The following IL1RAPL2 variants were observed in gnomAD, a reference collection of about 807,000 sequenced individuals.
IL1RAPL2 encodes the protein interleukin 1 receptor accessory protein like 2.
In IL1RAPL2, 3 loss-of-function variants were observed where a neutral mutation model predicts 44.1. The observed-to-expected ratio is 0.07, with a 90% CI of 0.03 to 0.18. The LOEUF is 0.18. IL1RAPL2 is among the 10% of genes least tolerant of loss of function. The pLI, the probability that IL1RAPL2 is intolerant of heterozygous loss-of-function variation, is 1.00. For missense variants in IL1RAPL2, 391 were observed against 496.4 expected, an observed-to-expected ratio of 0.79 and a Z score of 2.02; for synonymous variants, 181 against 178.8, an observed-to-expected ratio of 1.01 and a Z score of -0.10.
intron 2 of IL1RAPL2, among the ~76,000 whole-genome samples, chrX:104,962,671 C>T (rs754391669): frequency 8.9e-6 from 1 of 112,316 alleles, no homozygotes; most frequent in African/African-American, 3.2e-5. Flanking sequence ...TTAGGAATTT[C>T]CTTTCCTGGG....
intron 5 of IL1RAPL2, among the ~76,000 whole-genome samples, chrX:105,378,177 G>A (rs1378647040): frequency 2.7e-5 from 3 of 111,385 alleles, no homozygotes; most frequent in African/African-American, 9.8e-5. Context: ...GTACTTCAGA[G>A]AAGCAAAGGA....
intron 2 of IL1RAPL2, among the ~76,000 whole-genome samples, chrX:104,841,978 C>G (rs777646823): frequency 1.8e-5 from 2 of 110,595 alleles, no homozygotes; most frequent in Admixed American, 1.9e-4. Flanking sequence ...TATCCTGAAG[C>G]ATGTTTTCCA....
chrX:105,241,995 TA>T (rs1282832516), intron 4 of IL1RAPL2, among the ~76,000 whole-genome samples: 3 of 112,087 alleles, frequency 2.7e-5, no homozygotes, highest in African/African-American at 9.7e-5. Context: ...TTTTTATTTT[TA>T]GTGAAAAACC....
chrX:105,668,865 T>C (rs2147851503), intron 6 of IL1RAPL2, among the ~76,000 whole-genome samples: 1 of 111,591 alleles, frequency 9.0e-6, no homozygotes, highest in Admixed American at 9.5e-5. Flanking sequence ...GGGTTCCTTC[T>C]TCTGAAGGTT....
At chrX:105,376,293 C>T (rs766277409) in intron 5 of IL1RAPL2, among the ~76,000 whole-genome samples, 2 of 112,204 alleles carry the variant, frequency 1.8e-5, no homozygotes, top group East Asian at 2.8e-4. Context: ...GCCAAGTGCT[C>T]CCCCAAGTCA....
rs2034139602 is a variant in IL1RAPL2, at chrX:105,007,066, A to G, written c.83-188409A>G. On this transcript the variant is annotated intron_variant, in intron 2 of 10. Coordinates refer to ENST00000372582, the MANE Select transcript of IL1RAPL2 (RefSeq NM_017416.2). ...TGCCTGCCAACAACTTATATCCCCA[A>G]CTCTTCCATTAGTGAAAGTCTTGGT... 2.7e-5 allele frequency among the ~76,000 whole-genome samples: 3 copies of G among 111,039 alleles called. No individual in the cohort carries two copies. In the South Asian group the frequency reaches 1.1e-3, roughly 41 times the overall value.
At chrX:104,647,831 G>A (rs1275133081) in intron 1 of IL1RAPL2, 7 of 561,447 alleles carry the variant, frequency 1.2e-5, no homozygotes, top group Non-Finnish European at 2.2e-5. Flanking sequence ...CCATGGGATA[G>A]GAAAGTGAGT....
At chrX:105,695,787 G>C (rs1039478734) in intron 6 of IL1RAPL2, among the ~76,000 whole-genome samples, 3 of 111,863 alleles carry the variant, frequency 2.7e-5, no homozygotes, top group African/African-American at 9.7e-5. Flanking sequence ...AAGGTGAATA[G>C]AATAAGTGTC....
At chrX:105,674,811 T>A (rs1470465325) in intron 6 of IL1RAPL2, among the ~76,000 whole-genome samples, 1 of 111,960 alleles carries the variant, frequency 8.9e-6, no homozygotes, top group Non-Finnish European at 1.9e-5. Flanking sequence ...ATTTTTTCAT[T>A]TGTTTGTGTC....
intron 2 of IL1RAPL2, among the ~76,000 whole-genome samples, chrX:104,765,419 A>T (rs1301631499): frequency 8.9e-6 from 1 of 111,840 alleles, no homozygotes; most frequent in East Asian, 2.8e-4. Context: ...TCTAAATAAG[A>T]ATTAATATGT....
At chrX:105,278,755 T>C (rs991308787) in intron 5 of IL1RAPL2, among the ~76,000 whole-genome samples, 1 of 111,988 alleles carries the variant, frequency 8.9e-6, no homozygotes, top group African/African-American at 3.2e-5. Flanking sequence ...TCACACACCA[T>C]AGTAAGTGAT....
chrX:105,733,569 G>T (rs1257320450), intron 7 of IL1RAPL2, among the ~76,000 whole-genome samples: 1 of 109,937 alleles, frequency 9.1e-6, no homozygotes, highest in Non-Finnish European at 1.9e-5. Context: ...TTTTCTCTTT[G>T]AATTTCAGTT....
intron 2 of IL1RAPL2, among the ~76,000 whole-genome samples, chrX:105,148,176 C>G (rs901810735): frequency 9.0e-6 from 1 of 111,478 alleles, no homozygotes; most frequent in Non-Finnish European, 1.9e-5. Flanking sequence ...TGATGAAACA[C>G]TCTTCTCCTA....
At chrX:105,270,486 A>G (rs960150706) in intron 5 of IL1RAPL2, among the ~76,000 whole-genome samples, 2 of 112,055 alleles carry the variant, frequency 1.8e-5, no homozygotes, top group Non-Finnish European at 3.8e-5. Flanking sequence ...AGTACATGTT[A>G]CATGCCAGGC....
At chrX:105,613,360 T>C (rs2037350482) in intron 6 of IL1RAPL2, among the ~76,000 whole-genome samples, 1 of 112,383 alleles carries the variant, frequency 8.9e-6, no homozygotes, top group South Asian at 3.7e-4. Context: ...TCAGTGAGAC[T>C]CTGAGACTAG....
intron 2 of IL1RAPL2, among the ~76,000 whole-genome samples, chrX:105,010,684 C>T (rs2031033760): frequency 9.0e-6 from 1 of 110,962 alleles, no homozygotes; most frequent in South Asian, 3.7e-4. Context: ...AGGCTCTAGG[C>T]CTGCTGCTTG....
At chrX:105,102,402 T>C (rs1320644025) in intron 2 of IL1RAPL2, among the ~76,000 whole-genome samples, 1 of 112,316 alleles carries the variant, frequency 8.9e-6, no homozygotes, top group Non-Finnish European at 1.9e-5. Flanking sequence ...TCCTTCATCC[T>C]GTACAAATAT....
chrX:105,343,306 A>G (rs2035085547), intron 5 of IL1RAPL2, among the ~76,000 whole-genome samples: 1 of 112,324 alleles, frequency 8.9e-6, no homozygotes, highest in African/African-American at 3.2e-5. Flanking sequence ...TATTTGTAAA[A>G]ATAGAATGAG....
chrX:105,395,270 G>A (rs982894428), intron 5 of IL1RAPL2, among the ~76,000 whole-genome samples: 3 of 109,536 alleles, frequency 2.7e-5, no homozygotes, highest in Admixed American at 9.8e-5. Flanking sequence ...GTTTGAAACC[G>A]GAAACCACTT....
Sources: allele counts gnomAD v4.1 joint callset (sites outside exome capture counted in the v4.1 genomes callset), GRCh38; gene constraint gnomAD v4.1.1; transcripts MANE v1.5; gene names NCBI Gene and HGNC (gene_info 2026-07-23, HGNC 2026-07-21).